The following NF1 variants were observed in gnomAD, a reference collection of about 807,000 sequenced individuals.
NF1 encodes neurofibromin 1.
NF1 carries 122 observed loss-of-function variants against 325.7 expected under a neutral mutation model. The ratio of observed to expected loss-of-function variants is 0.37; its 90% CI spans 0.32 to 0.44. The LOEUF (loss-of-function observed/expected upper bound fraction) is 0.44, where lower values mean the gene tolerates loss of function less well. Among genes scored for constraint, NF1 ranks in the 20% least tolerant of loss-of-function variants. The probability of loss-of-function intolerance (pLI) is 1.00; values close to 1 mark genes in which losing one functional copy is unlikely to be tolerated. For synonymous variants in NF1, 1,091 were observed against 1,186.0 expected (o/e 0.92, Z 1.65); for missense variants, 2,140 against 3,415.4 (o/e 0.63, Z 9.31).
intron 12 of NF1, 131 bp downstream of exon 12, chr17:31,206,502 G>A (rs549940562): frequency 9.3e-7 from 1 of 1,071,356 alleles, no homozygotes; most frequent in African/African-American, 1.6e-5. Flanking sequence ...AAATGTTGTG[G>A]TATGTTGTAT....
rs199474742 is a variant in NF1 at position 31,235,728 on chromosome 17, C to G, written c.3826C>G (p.Arg1276Gly). 1 of 1,613,938 alleles carries G rather than the reference C, an allele frequency of 6.2e-7. No individual in the cohort carries two copies. The change falls in exon 28 of 58, where the codon CGA becomes GGA. Residue 1276 changes from arginine (R) to glycine (G), a missense_variant. By Grantham distance (125) the Arg-to-Gly change is moderately radical (BLOSUM62 -2). Around this residue, in one of 10 missense-constraint regions of NF1, gnomAD observed 336 missense variants for 399.0 expected, o/e 0.84. Transcript: ENST00000358273. ...ELADSMQTLFRGNSLASKIMT... is the reference protein window; with the variant it reads ...ELADSMQTLFGGNSLASKIMT... ...GGCAGACTCCATGCAGACTCTCTTCCGAGGCAACAGCTTGGCCAGTAAAAT... is the reference window on the plus strand; with the variant it reads ...GGCAGACTCCATGCAGACTCTCTTCGGAGGCAACAGCTTGGCCAGTAAAAT...
chr17:31,227,140 G>T lies in NF1; in HGVS notation c.2252-78G>T, dbSNP rs2067028464. Reference sequence around the variant, plus strand: ...TTGCTCTGCTCTTCCTACTCCTTTTGGGTGGAGCTTATCAGGTTCTCCATT... The same window carrying T: ...TTGCTCTGCTCTTCCTACTCCTTTTTGGTGGAGCTTATCAGGTTCTCCATT... On this transcript the variant is annotated intron_variant, in intron 18 of 57. Coordinates refer to ENST00000358273, the MANE Select transcript of NF1 (RefSeq NM_001042492.3). 1 of 1,421,126 alleles carries T rather than the reference G, an allele frequency of 7.0e-7. No homozygotes were observed. Among genetic ancestry groups the T allele is most frequent in the African/African-American group, 1.4e-5 (1 of 71,248 alleles). The allele number at this position is 1,421,126 out of a possible 1,614,324, so 88.0% of individuals were successfully genotyped here. A position where few individuals can be genotyped will look rare whatever the true frequency, so the allele number is the denominator to read the frequency against.
In NF1 at chr17:31,336,408, G is replaced by A. The variant is rs767869530; in HGVS notation, c.6082G>A (p.Ala2028Thr). The A allele has an allele frequency of 2.5e-6, 4 of 1,613,994 alleles. No individual in the cohort carries two copies. The African/African-American group carries it at 5.3e-5, about 22-fold the overall frequency. ...SATGGLGSIK[A>T]EVMADTAVAL... is the part of the protein sequence containing the mutation. ...AACAGGTGGCTTGGGATCAATAAAA[G>A]CTGAGGTGATGGCAGATACTGCTGT... Residue 2028 changes from alanine to threonine, a missense_variant, in exon 41 of 58, where the codon GCT becomes ACT. Physicochemically the swap from Ala to Thr is moderately conservative, Grantham distance 58. Coordinates refer to ENST00000358273, the MANE Select transcript of NF1 (RefSeq NM_001042492.3). The surrounding 1 kb of genome is among the most constrained non-coding windows in gnomAD (Gnocchi z 5.5).
At chr17:31,280,376 G>T (rs2068093514) in intron 36 of NF1, among the ~76,000 whole-genome samples, 1 of 151,552 alleles carries the variant, frequency 6.6e-6, no homozygotes. Flanking sequence ...GGGCGTGGTG[G>T]TGTGTGGGTA....
At chr17:31,264,999 A>G (rs1379891243) in intron 35 of NF1, among the ~76,000 whole-genome samples, 1 of 152,228 alleles carries the variant, frequency 6.6e-6, no homozygotes, top group Non-Finnish European at 1.5e-5. Context: ...TCCTATGGTT[A>G]ATATTCTTGC....
chr17:31,228,896 G>C, intron 20 of NF1, 129 bp from the exon 21 acceptor site: 1 of 696,146 alleles, frequency 1.4e-6, no homozygotes, highest in Non-Finnish European at 2.4e-6. Context: ...AATTTTATGG[G>C]TTGATTTTAA....
chr17:31,305,389 G>C, intron 36 of NF1: 1 of 1,614,172 alleles, frequency 6.2e-7, no homozygotes, highest in Non-Finnish European at 8.5e-7. Context: ...AGTGACTTTG[G>C]CAGGTGATAT....
rs1384126851 is a variant in NF1 at position 31,221,839 on chromosome 17, A to T, written c.1642-11A>T. 3 of 1,592,026 alleles carry T rather than the reference A, an allele frequency of 1.9e-6. No homozygotes were observed. Among genetic ancestry groups the T allele is most frequent in the South Asian group, 2.2e-5 (2 of 90,594 alleles). Reference sequence around the variant, plus strand: ...TCTTCTCTTTGTCTTTCTCTTTTTTAAAAAATTCAGGCTCTGCTGGTTCTT... The same window carrying T: ...TCTTCTCTTTGTCTTTCTCTTTTTTTAAAAATTCAGGCTCTGCTGGTTCTT... On this transcript the variant is annotated splice_polypyrimidine_tract_variant and intron_variant, in intron 14 of 57. Coordinates refer to ENST00000358273, the MANE Select transcript of NF1 (RefSeq NM_001042492.3).
At chr17:31,349,310 A>G (rs2070082002) in intron 49 of NF1, 59 bp downstream of exon 49, 2 of 1,567,662 alleles carry the variant, frequency 1.3e-6, no homozygotes, top group South Asian at 2.3e-5. Context: ...GGATCACCCA[A>G]AAAGTACAAA....
chr17:31,327,687 C>T lies in NF1; in HGVS notation c.5457C>T (p.Ala1819=), dbSNP rs2069381058. 1.9e-6 allele frequency: 3 copies of T among 1,614,136 alleles called. No homozygotes were observed. The highest frequency in any genetic ancestry group is 2.5e-6 in the Non-Finnish European group (3 of 1,180,032). ...CCTTCATGCACCAGGAGTGTGAAGCCATTGTCCAGTCTATCATTCATATCC... is the reference window on the plus strand; with the variant it reads ...CCTTCATGCACCAGGAGTGTGAAGCTATTGTCCAGTCTATCATTCATATCC... The part of the protein sequence containing the change: ...PLTFMHQECE[A]IVQSIIHIRT... The change falls in exon 38 of 58, where the codon GCC becomes GCT. Residue 1819 remains alanine (A), a synonymous_variant. Coordinates refer to ENST00000358273, the MANE Select transcript of NF1 (RefSeq NM_001042492.3).
intron 54 of NF1, 48 bp from the exon 55 acceptor site, chr17:31,358,432 T>G (rs1246172202): frequency 6.4e-6 from 10 of 1,574,114 alleles, no homozygotes; most frequent in Non-Finnish European, 7.8e-6. Context: ...ATATTTTCAT[T>G]TAATTTTCCT....
chr17:31,194,188 A>G (rs2066396153), intron 8 of NF1, among the ~76,000 whole-genome samples: 1 of 152,208 alleles, frequency 6.6e-6, no homozygotes, highest in South Asian at 2.1e-4. Flanking sequence ...TATATACACA[A>G]TGGAATAGTA....
chr17:31,132,744 G>A (rs1915483601), intron 1 of NF1, among the ~76,000 whole-genome samples: 1 of 152,002 alleles, frequency 6.6e-6, no homozygotes, highest in African/African-American at 2.4e-5. Flanking sequence ...TCAGCTCACT[G>A]CAACATTTGC....
Position 31,226,702 on chromosome 17 carries a change from T to A in NF1, c.2251+18T>A, listed in dbSNP as rs2151426218. 2 of 1,612,774 alleles carry A rather than the reference T, an allele frequency of 1.2e-6. No homozygotes were observed. The highest frequency in any genetic ancestry group is 1.7e-6 in the Non-Finnish European group (2 of 1,179,464). ...GTCAACAGGTAAATGTGAATAGTGG[T>A]TTTTTTTACTCAGTCTGCCTCAAAG... On this transcript the variant is annotated intron_variant, in intron 18 of 57. Transcript: ENST00000358273.
intron 1 of NF1, among the ~76,000 whole-genome samples, chr17:31,104,217 A>C (rs1198480525): frequency 1.3e-5 from 2 of 152,058 alleles, no homozygotes; most frequent in Non-Finnish European, 2.9e-5. Flanking sequence ...GTAGCTTTCA[A>C]ATTTGGTATT....
In NF1 at chr17:31,340,599, A is replaced by C; in HGVS notation, c.7016A>C (p.Glu2339Ala). 6.2e-7 allele frequency: 1 copy of C among 1,614,158 alleles called. No homozygotes were observed. Among genetic ancestry groups the C allele is most frequent in the Non-Finnish European group, 8.5e-7 (1 of 1,180,034 alleles). Residue 2339 changes from glutamate (E) to alanine (A), a missense_variant, in exon 47 of 58, where the codon GAA (glutamate) becomes GCA (alanine). This residue lies in a region of NF1 where 522 missense variants were observed against 749.0 expected (regional missense o/e 0.70). Coordinates refer to ENST00000358273, the MANE Select transcript of NF1 (RefSeq NM_001042492.3). ...TATTCAGCAGGTACCGCACTTCTTG[A>C]ACAAAACCTGCATACTTTAGATAGT... The part of the protein sequence containing the change: ...NLYSAGTALL[E>A]QNLHTLDSLR...
At chr17:31,226,392 T>A (rs1339257369) in intron 17 of NF1, 43 bp from the exon 18 acceptor site, 1 of 1,583,390 alleles carries the variant, frequency 6.3e-7, no homozygotes, top group Admixed American at 1.7e-5. Context: ...ATACATAAAA[T>A]TACCCAAGTT....
intron 1 of NF1, among the ~76,000 whole-genome samples, chr17:31,097,322 G>A (rs1418745953): frequency 6.6e-6 from 1 of 152,052 alleles, no homozygotes; most frequent in Non-Finnish European, 1.5e-5. Context: ...GCTGGGCATG[G>A]TGGCGGGCGC....
At chr17:31,340,338 T>G in intron 46 of NF1, 167 bp from the exon 47 acceptor site, 1 of 771,332 alleles carries the variant, frequency 1.3e-6, no homozygotes, top group East Asian at 2.7e-5. Context: ...GTGTCTTTAG[T>G]TATACATATG....
Sources: allele counts gnomAD v4.1 joint callset (sites outside exome capture counted in the v4.1 genomes callset), GRCh38; gene constraint gnomAD v4.1.1; regional missense constraint gnomAD v4.1.1; non-coding constraint Gnocchi (gnomAD v3.1); transcripts MANE v1.5; gene names NCBI Gene and HGNC (gene_info 2026-07-23, HGNC 2026-07-21).